The following SLIT2 variants were observed in gnomAD, a reference collection of about 807,000 sequenced individuals.
The protein encoded by SLIT2 is slit homolog 2 protein.
A neutral mutation model predicts 185.7 loss-of-function variants in SLIT2; 41 were observed. That is an observed-to-expected ratio of 0.22 (90% CI 0.17 to 0.29). The LOEUF is 0.29. Ranked by LOEUF, SLIT2 falls within the 10% of genes least tolerant of loss-of-function variation. The pLI is 1.00. For missense variants in SLIT2, 1,571 were observed against 1,909.0 expected (o/e 0.82, Z 3.30); for synonymous variants, 693 against 680.2 (o/e 1.02, Z -0.29).
intron 29 of SLIT2, chr4:20,569,248 G>GA: frequency 2.3e-6 from 1 of 438,886 alleles, no homozygotes; most frequent in Non-Finnish European, 4.1e-6. Context: ...AGTAATAAAA[G>GA]AAGCTATTTT....
intron 5 of SLIT2, among the ~76,000 whole-genome samples, chr4:20,478,995 T>A (rs1440000376): frequency 6.6e-6 from 1 of 152,192 alleles, no homozygotes; most frequent in Non-Finnish European, 1.5e-5. Flanking sequence ...CATTATGTCT[T>A]AATAAGTAGA....
intron 9 of SLIT2, among the ~76,000 whole-genome samples, chr4:20,492,764 GA>G (rs35043153): frequency 6.6e-6 from 1 of 151,982 alleles, no homozygotes; most frequent in African/African-American, 2.4e-5. Context: ...CATAGTATGC[GA>G]AAAAGTTGTT....
chr4:20,457,608 C>G (rs1342708205), intron 4 of SLIT2, among the ~76,000 whole-genome samples: 1 of 152,078 alleles, frequency 6.6e-6, no homozygotes, highest in Non-Finnish European at 1.5e-5. Flanking sequence ...TTTATTATTT[C>G]AAAACTTTCT....
At chr4:20,330,449 C>T (rs1412256765) in intron 4 of SLIT2, among the ~76,000 whole-genome samples, 1 of 152,042 alleles carries the variant, frequency 6.6e-6, no homozygotes, top group Non-Finnish European at 1.5e-5. Context: ...AACACAACAT[C>T]AGTTTTGGAT....
At position 20,553,856 on chromosome 4, in the gene SLIT2, C is replaced by T. The variant is rs754922750; in HGVS notation, c.2613C>T (p.Ser871=). 9 of 1,606,248 alleles carry T rather than the reference C, an allele frequency of 5.6e-6. No homozygotes were observed. Among genetic ancestry groups the T allele is most frequent in the African/African-American group, 1.3e-5 (1 of 74,148 alleles). The change falls in exon 26 of 37, where the codon TCC becomes TCT. Residue 871 remains serine (S), a synonymous_variant. Transcript: ENST00000504154. Reference sequence around the variant, plus strand: ...GTGATTGTAACATGCAGTGGTTATCCGACTGGGTGAAGTCGGAATATAAGG... The same window carrying T: ...GTGATTGTAACATGCAGTGGTTATCTGACTGGGTGAAGTCGGAATATAAGG... ...LYCDCNMQWL[S]DWVKSEYKEP... is the part of the protein sequence containing the mutation.
intron 25 of SLIT2, 112 bp from the exon 26 acceptor site, chr4:20,553,690 CACT>C: frequency 2.0e-6 from 2 of 978,768 alleles, no homozygotes; most frequent in Non-Finnish European, 2.7e-6. Context: ...TGCTGAGCAT[CACT>C]TTGAATTCTT....
In SLIT2 at chr4:20,274,803, T is replaced by C. The variant is rs116768498; in HGVS notation, c.395+5922T>C. On this transcript the variant is annotated intron_variant, in intron 4 of 36. Transcript: ENST00000504154. ...CGACTGCTTTCACAAGTGCAAATGT[T>C]TCTAACTCCACCAACAAGTACTTAT... Among the ~76,000 whole-genome samples, 1,024 of 152,176 alleles carry C rather than the reference T, an allele frequency of 6.7e-3. 8 individuals carry two copies. The highest frequency in any genetic ancestry group is 8.4e-3 in the Non-Finnish European group (568 of 67,978).
At chr4:20,614,614 C>T (rs1050220720) in intron 34 of SLIT2, among the ~76,000 whole-genome samples, 5 of 150,942 alleles carry the variant, frequency 3.3e-5, no homozygotes, top group Middle Eastern at 3.2e-3. Context: ...CTGGTCTCTA[C>T]TAAAATTACA....
chr4:20,564,121 T>C (rs504754), intron 26 of SLIT2, among the ~76,000 whole-genome samples: 60,570 of 151,540 alleles, frequency 0.4, 13,442 homozygotes, highest in East Asian at 0.82. Flanking sequence ...GCTCTGATAT[T>C]ATCTCCTTAT....
chr4:20,271,483 T>G (rs1713602281), intron 4 of SLIT2, among the ~76,000 whole-genome samples: 2 of 135,148 alleles, frequency 1.5e-5, no homozygotes, highest in African/African-American at 5.1e-5. Flanking sequence ...ATAATTTATA[T>G]TTATATATTA....
intron 4 of SLIT2, among the ~76,000 whole-genome samples, chr4:20,365,246 T>C (rs144542423): frequency 2.1e-4 from 32 of 152,288 alleles, no homozygotes; most frequent in Admixed American, 1.1e-3. Context: ...GAATGGTTCA[T>C]ATAACAGAAC....
rs192100627 is a variant in SLIT2 at position 20,366,768 on chromosome 4, A to G, written c.395+97887A>G. 2.0e-5 allele frequency among the ~76,000 whole-genome samples: 3 copies of G among 152,180 alleles called. No homozygotes were observed. The East Asian group carries it at 5.8e-4, about 29-fold the overall frequency. On this transcript the variant is annotated intron_variant, in intron 4 of 36. Transcript: ENST00000504154. ...TTTATGAGCTGTATTTAGATCATGCAATAATATTTTAGGGTTTTTTTAGTT... is the reference window on the plus strand; with the variant it reads ...TTTATGAGCTGTATTTAGATCATGCGATAATATTTTAGGGTTTTTTTAGTT...
At chr4:20,467,230 G>C (rs1714459286) in intron 4 of SLIT2, among the ~76,000 whole-genome samples, 1 of 152,070 alleles carries the variant, frequency 6.6e-6, no homozygotes, top group African/African-American at 2.4e-5. Context: ...TGTTGGGCCG[G>C]TTCTGCCATG....
In SLIT2 at chr4:20,254,128, G is replaced by A. The variant is rs1560256308; in HGVS notation, c.179+134G>A. 1.1e-6 allele frequency: 1 copy of A among 908,332 alleles called. No homozygotes were observed. Among genetic ancestry groups the A allele is most frequent in the East Asian group, 2.6e-5 (1 of 38,982 alleles). The allele number at this position is 908,332 out of a possible 1,614,324, so 56.3% of individuals were successfully genotyped here. A position where few individuals can be genotyped will look rare whatever the true frequency, so the allele number is the denominator to read the frequency against. Reference sequence around the variant, plus strand: ...AGCTCTCCCCCATGCACATCCTGGGGTTGAGCTCTCCGGGAGGGCACTGGC... The same window carrying A: ...AGCTCTCCCCCATGCACATCCTGGGATTGAGCTCTCCGGGAGGGCACTGGC... On this transcript the variant is annotated intron_variant, in intron 1 of 36. Coordinates refer to ENST00000504154, the MANE Select transcript of SLIT2 (RefSeq NM_004787.4). The surrounding 1 kb of genome is among the most constrained non-coding windows in gnomAD (Gnocchi z 5.1).
At chr4:20,281,255 G>A (rs1266359056) in intron 4 of SLIT2, among the ~76,000 whole-genome samples, 2 of 152,222 alleles carry the variant, frequency 1.3e-5, no homozygotes, top group East Asian at 1.9e-4. Flanking sequence ...ATAATCACCT[G>A]TCTCTCAAAC....
chr4:20,579,807 A>G (rs1407498490), intron 29 of SLIT2, among the ~76,000 whole-genome samples: 1 of 151,682 alleles, frequency 6.6e-6, no homozygotes, highest in Non-Finnish European at 1.5e-5. Flanking sequence ...CATGGACCAT[A>G]TACTATCTTC....
intron 4 of SLIT2, among the ~76,000 whole-genome samples, chr4:20,396,454 A>C (rs1375288030): frequency 6.6e-6 from 1 of 151,882 alleles, no homozygotes; most frequent in Non-Finnish European, 1.5e-5. Flanking sequence ...ACAAAACTGG[A>C]TGAAATGCTT....
chr4:20,527,436 G>A (rs1027559593), intron 15 of SLIT2, among the ~76,000 whole-genome samples: 1 of 152,020 alleles, frequency 6.6e-6, no homozygotes, highest in Admixed American at 6.6e-5. Flanking sequence ...ACAGGCGCCC[G>A]CAACCATGCC....
rs187964279 is a variant in SLIT2, at chr4:20,573,153, G to A, written c.3088+4149G>A. 6.9e-4 allele frequency: 487 copies of A among 702,166 alleles called. 2 individuals carry two copies. The highest frequency in any genetic ancestry group is 9.2e-4 in the Middle Eastern group (4 of 4,354). The allele number at this position is 702,166 out of a possible 1,614,324, so 43.5% of individuals were successfully genotyped here. A position where few individuals can be genotyped will look rare whatever the true frequency, so the allele number is the denominator to read the frequency against. Reference sequence around the variant, plus strand: ...CCACCCCTGCTTCTCTGTTGTGAACGCTGCGCATTGGCTTCCTGTGCTCTG... The same window carrying A: ...CCACCCCTGCTTCTCTGTTGTGAACACTGCGCATTGGCTTCCTGTGCTCTG... On this transcript the variant is annotated intron_variant, in intron 29 of 36. Coordinates refer to ENST00000504154, the MANE Select transcript of SLIT2 (RefSeq NM_004787.4).
Sources: gnomAD v4.1 joint callset for allele counts (sites outside exome capture counted in the v4.1 genomes callset) on GRCh38, gnomAD v4.1.1 for gene constraint, Gnocchi (gnomAD v3.1) non-coding constraint, MANE v1.5 for transcripts, NCBI Gene and HGNC (gene_info 2026-07-23, HGNC 2026-07-21) for gene names.